Variants in VWA3B observed in about 807,000 individuals in gnomAD.
VWA3B encodes von Willebrand factor A domain-containing protein 3B.
Under a neutral mutation model 158.3 loss-of-function variants are expected in VWA3B, and 138 were observed. That is an observed-to-expected ratio of 0.87 (90% CI 0.76 to 1.00). The LOEUF (loss-of-function observed/expected upper bound fraction) is 1.00, where lower values mean the gene tolerates loss of function less well. Among genes scored for constraint, VWA3B ranks in the 50% least tolerant of loss-of-function variants. VWA3B has a pLI of 0.00. For synonymous variants in VWA3B, 596 were observed against 587.3 expected (o/e 1.01, Z -0.21); for missense variants, 1,555 against 1,565.1 (o/e 0.99, Z 0.11).
chr2:98,227,118 G>C (rs1001213090), intron 14 of VWA3B, among the ~76,000 whole-genome samples: 1 of 152,190 alleles, frequency 6.6e-6, no homozygotes, highest in African/African-American at 2.4e-5. Context: ...TCTGTTTGCA[G>C]ATGACATCAT....
chr2:98,265,345 C>T (rs927963639), intron 21 of VWA3B, among the ~76,000 whole-genome samples: 2 of 151,740 alleles, frequency 1.3e-5, no homozygotes, highest in African/African-American at 2.4e-5. Context: ...TTTCCAATTT[C>T]ATCCATGTCC....
intron 10 of VWA3B, among the ~76,000 whole-genome samples, chr2:98,191,014 A>G (rs1411151958): frequency 1.3e-5 from 2 of 152,090 alleles, no homozygotes; most frequent in Non-Finnish European, 2.9e-5. Flanking sequence ...TGGGCCACTA[A>G]TTATCTCTGA....
chr2:98,155,708 C>G (rs1440187297), intron 7 of VWA3B, among the ~76,000 whole-genome samples: 1 of 152,080 alleles, frequency 6.6e-6, no homozygotes, highest in Non-Finnish European at 1.5e-5. Flanking sequence ...CACTTAGAAC[C>G]AGTAGAATGT....
At chr2:98,149,663 A>G (rs915133026) in intron 7 of VWA3B, among the ~76,000 whole-genome samples, 1 of 152,208 alleles carries the variant, frequency 6.6e-6, no homozygotes, top group Non-Finnish European at 1.5e-5. Flanking sequence ...TGGGGTTTGC[A>G]AAGGGAGTAC....
chr2:98,219,501 A>G (rs182215361), intron 14 of VWA3B, among the ~76,000 whole-genome samples: 3 of 152,344 alleles, frequency 2.0e-5, no homozygotes, highest in Admixed American at 6.5e-5. Context: ...GAAAAATCCG[A>G]TCAGTCTAAT....
chr2:98,125,756 C>T lies in VWA3B; in HGVS notation c.703-2483C>T, dbSNP rs1675300042. On this transcript the variant is annotated intron_variant, in intron 5 of 27. Coordinates refer to ENST00000477737, the MANE Select transcript of VWA3B (RefSeq NM_144992.5). The surrounding 1 kb of genome is among the most constrained non-coding windows in gnomAD (Gnocchi z 4.1). ...TCGGCTCACTGCAAGCTCCGCCTCC[C>T]AGGTTCACGCCATTCTCCTGCCTCA... Among the ~76,000 whole-genome samples the T allele has an allele frequency of 6.6e-6, 1 of 152,170 alleles. No homozygotes were observed. Among genetic ancestry groups the T allele is most frequent in the African/African-American group, 2.4e-5 (1 of 41,438 alleles).
chr2:98,270,227 T>C (rs1300508673), intron 21 of VWA3B, among the ~76,000 whole-genome samples: 2 of 152,248 alleles, frequency 1.3e-5, no homozygotes, highest in Non-Finnish European at 2.9e-5. Flanking sequence ...TAAAATGAGC[T>C]AGTATAAGAA....
At chr2:98,121,158 G>A (rs1299672477) in intron 4 of VWA3B, 141 bp from the exon 5 acceptor site, 2 of 1,058,396 alleles carry the variant, frequency 1.9e-6, no homozygotes, top group Non-Finnish European at 2.7e-6. Context: ...TAACATCAGA[G>A]GGCTGGGAGC....
chr2:98,327,466 G>A, the VWA3B span, among the ~76,000 whole-genome samples: 1 of 152,144 alleles, frequency 6.6e-6, no homozygotes, highest in African/African-American at 2.4e-5. Flanking sequence ...GCCTAAAACA[G>A]AAGCTAACTC....
intron 6 of VWA3B, among the ~76,000 whole-genome samples, chr2:98,132,559 G>A (rs979991923): frequency 6.6e-6 from 1 of 152,184 alleles, no homozygotes; most frequent in African/African-American, 2.4e-5. Context: ...CTGCACAAGC[G>A]AGACTATATC....
At chr2:98,289,486 G>A (rs1204463125) in intron 22 of VWA3B, among the ~76,000 whole-genome samples, 1 of 152,184 alleles carries the variant, frequency 6.6e-6, no homozygotes, top group African/African-American at 2.4e-5. Context: ...AACTTTGAAA[G>A]CTCTACCCCA....
intron 10 of VWA3B, 35 bp downstream of exon 10, chr2:98,188,164 C>T (rs757606196): frequency 5.7e-5 from 91 of 1,596,228 alleles, no homozygotes; most frequent in Non-Finnish European, 7.3e-5. Context: ...CAAGTGGTCT[C>T]CTCGCTCTGG....
At chr2:98,271,093 C>T (rs924280857) in intron 22 of VWA3B, among the ~76,000 whole-genome samples, 4 of 148,556 alleles carry the variant, frequency 2.7e-5, no homozygotes, top group South Asian at 4.2e-4. Context: ...TAAAACAATA[C>T]GTCTTTTAAT....
At chr2:98,278,372 G>A (rs368826716) in intron 22 of VWA3B, among the ~76,000 whole-genome samples, 28 of 152,222 alleles carry the variant, frequency 1.8e-4, no homozygotes, top group Non-Finnish European at 3.5e-4. Context: ...GTGTGTTACC[G>A]TGCTCCTTTA....
chr2:98,175,930 C>CA (rs1344014497), intron 8 of VWA3B, among the ~76,000 whole-genome samples: 1 of 152,192 alleles, frequency 6.6e-6, no homozygotes, highest in Non-Finnish European at 1.5e-5. Context: ...ATGCTTATTG[C>CA]ATGGTACTTT....
intron 22 of VWA3B, among the ~76,000 whole-genome samples, chr2:98,285,786 C>CA (rs1165891882): frequency 1.3e-5 from 2 of 151,696 alleles, no homozygotes; most frequent in African/African-American, 4.8e-5. Flanking sequence ...GCAACAACAA[C>CA]AAAAAGAAAA....
chr2:98,141,767 A>G (rs897354883), intron 7 of VWA3B, among the ~76,000 whole-genome samples: 11 of 152,098 alleles, frequency 7.2e-5, no homozygotes, highest in Non-Finnish European at 1.2e-4. Context: ...TTGAACCTTA[A>G]TCTTACCATG....
chr2:98,199,013 G>A (rs1261344341), intron 12 of VWA3B, among the ~76,000 whole-genome samples: 1 of 152,130 alleles, frequency 6.6e-6, no homozygotes, highest in Admixed American at 6.5e-5. Context: ...CGTGAATCCA[G>A]GAGGCAGAGC....
chr2:98,121,884 T>C (rs1189565211), intron 5 of VWA3B: 2 of 161,102 alleles, frequency 1.2e-5, no homozygotes, highest in Admixed American at 1.2e-4. Flanking sequence ...AGACTCCTCA[T>C]AGAACCCTGA....
Sources: gnomAD v4.1 joint callset for allele counts (sites outside exome capture counted in the v4.1 genomes callset) on GRCh38, gnomAD v4.1.1 for gene constraint, Gnocchi (gnomAD v3.1) non-coding constraint, MANE v1.5 for transcripts, NCBI Gene and HGNC (gene_info 2026-07-23, HGNC 2026-07-21) for gene names.